CERS6: variants seen among roughly 807,000 people sequenced by gnomAD.
CERS6 encodes LAG1 homolog, ceramide synthase 6.
CERS6 carries 26 observed loss-of-function variants against 56.8 expected under a neutral mutation model. The ratio of observed to expected loss-of-function variants is 0.46; its 90% CI spans 0.34 to 0.63. CERS6 has a LOEUF of 0.63. Ranked by LOEUF, CERS6 falls within the 30% of genes least tolerant of loss-of-function variation. The pLI is 0.01. For missense variants in CERS6, 415 were observed against 467.5 expected (o/e 0.89, Z 1.04); for synonymous variants, 164 against 173.3 (o/e 0.95, Z 0.42).
chr2:168,738,650 A>AT (rs1466850448), intron 8 of CERS6, among the ~76,000 whole-genome samples: 1 of 152,150 alleles, frequency 6.6e-6, no homozygotes, highest in Non-Finnish European at 1.5e-5. Flanking sequence ...TGCATCACAG[A>AT]TTTTTTATAA....
intron 3 of CERS6, among the ~76,000 whole-genome samples, chr2:168,619,495 A>C (rs1684408823): frequency 6.6e-6 from 1 of 151,900 alleles, no homozygotes; most frequent in Non-Finnish European, 1.5e-5. Context: ...AAAAGAACTC[A>C]AACAAATCAG....
chr2:168,533,996 G>A (rs1026007723), intron 1 of CERS6, among the ~76,000 whole-genome samples: 4 of 151,710 alleles, frequency 2.6e-5, no homozygotes, highest in African/African-American at 7.3e-5. Flanking sequence ...GCTTTCTTCC[G>A]CTTGGTTGAT....
chr2:168,559,754 T>TATATATATATATATATATATATATATATC (rs56014027), intron 2 of CERS6, among the ~76,000 whole-genome samples: 2 of 123,908 alleles, frequency 1.6e-5, no homozygotes, highest in Non-Finnish European at 3.6e-5. Context: ...TATATATATA[T>TATATATATATATATATATATATATATATC]TTCACCCTTA....
intron 8 of CERS6, among the ~76,000 whole-genome samples, chr2:168,762,136 A>G (rs1684599655): frequency 6.6e-6 from 1 of 152,176 alleles, no homozygotes; most frequent in Admixed American, 6.5e-5. Flanking sequence ...ACAAACCTGC[A>G]CATTCTGCAT....
At chr2:168,627,631 G>GTTTTT in intron 3 of CERS6, among the ~76,000 whole-genome samples, 1 of 145,154 alleles carries the variant, frequency 6.9e-6, no homozygotes, top group Non-Finnish European at 1.5e-5. Flanking sequence ...GAACACTGAA[G>GTTTTT]TTTTTTTTTT....
chr2:168,628,379 T>TAG (rs1281580464), intron 3 of CERS6, among the ~76,000 whole-genome samples: 1 of 152,206 alleles, frequency 6.6e-6, no homozygotes, highest in Non-Finnish European at 1.5e-5. Flanking sequence ...CAGGTTGATG[T>TAG]CTATAGACTT....
chr2:168,582,073 T>C (rs1272471660), intron 3 of CERS6, among the ~76,000 whole-genome samples: 1 of 152,220 alleles, frequency 6.6e-6, no homozygotes, highest in Non-Finnish European at 1.5e-5. Context: ...GGTGTTATTT[T>C]CCTTTCCCTT....
At chr2:168,745,689 T>C (rs376529413) in intron 8 of CERS6, among the ~76,000 whole-genome samples, 10 of 152,330 alleles carry the variant, frequency 6.6e-5, no homozygotes, top group African/African-American at 2.4e-4. Flanking sequence ...TAACAACTAT[T>C]AAATCAAGTA....
intron 3 of CERS6, among the ~76,000 whole-genome samples, chr2:168,569,602 C>T (rs1037358103): frequency 2.0e-5 from 3 of 152,230 alleles, no homozygotes; most frequent in Non-Finnish European, 4.4e-5. Context: ...TCTGTGTTCA[C>T]CTAGTATTTC....
chr2:168,686,114 T>G (rs920033479), intron 4 of CERS6, among the ~76,000 whole-genome samples: 9 of 146,974 alleles, frequency 6.1e-5, no homozygotes, highest in African/African-American at 2.3e-4. Flanking sequence ...AAATTTCTCA[T>G]CGTTCTGGAG....
chr2:168,527,798 G>C (rs1259228707), intron 1 of CERS6, among the ~76,000 whole-genome samples: 1 of 152,050 alleles, frequency 6.6e-6, no homozygotes, highest in Non-Finnish European at 1.5e-5. Flanking sequence ...TCAGCTCACT[G>C]TACCCTCCAC....
chr2:168,592,702 A>C (rs1413596708), intron 3 of CERS6, among the ~76,000 whole-genome samples: 1 of 152,244 alleles, frequency 6.6e-6, no homozygotes, highest in African/African-American at 2.4e-5. Flanking sequence ...GATTTTCCTC[A>C]GCTGTTACGC....
chr2:168,529,606 A>G (rs1695130626), intron 1 of CERS6, among the ~76,000 whole-genome samples: 1 of 152,212 alleles, frequency 6.6e-6, no homozygotes, highest in Admixed American at 6.5e-5. Flanking sequence ...TCACCAACTC[A>G]ACAAAGTCAG....
At chr2:168,646,440 C>CAA (rs1685205914) in intron 4 of CERS6, among the ~76,000 whole-genome samples, 1 of 152,140 alleles carries the variant, frequency 6.6e-6, no homozygotes, top group Non-Finnish European at 1.5e-5. Flanking sequence ...GCATATTAGA[C>CAA]CTCTGTCAGA....
chr2:168,539,340 T>G (rs1446378666), intron 1 of CERS6, among the ~76,000 whole-genome samples: 1 of 152,242 alleles, frequency 6.6e-6, no homozygotes, highest in Non-Finnish European at 1.5e-5. Context: ...TTAACTACCT[T>G]TAAGACCTTG....
chr2:168,762,078 CG>C (rs1559084480), intron 8 of CERS6, among the ~76,000 whole-genome samples: 1 of 151,800 alleles, frequency 6.6e-6, no homozygotes, highest in African/African-American at 2.4e-5. Flanking sequence ...ACCTGGATGA[CG>C]GGTGAATGAG....
chr2:168,608,362 A>G (rs1010675686), intron 3 of CERS6, among the ~76,000 whole-genome samples: 5 of 152,206 alleles, frequency 3.3e-5, no homozygotes, highest in African/African-American at 1.2e-4. Flanking sequence ...ACATGTCTTC[A>G]TTTCTCTTGG....
At chr2:168,754,523 A>G (rs1262693282) in intron 8 of CERS6, among the ~76,000 whole-genome samples, 3 of 152,136 alleles carry the variant, frequency 2.0e-5, no homozygotes, top group Admixed American at 6.5e-5. Flanking sequence ...CCCAGAGTAC[A>G]CACACAATGC....
At chr2:168,536,310 A>G (rs1233393342) in intron 1 of CERS6, among the ~76,000 whole-genome samples, 1 of 152,256 alleles carries the variant, frequency 6.6e-6, no homozygotes, top group African/African-American at 2.4e-5. Context: ...TAGTCCCAGT[A>G]GCAAGAAATA....
Sources: allele counts gnomAD v4.1 joint callset (sites outside exome capture counted in the v4.1 genomes callset), GRCh38; gene constraint gnomAD v4.1.1; transcripts MANE v1.5; gene names NCBI Gene and HGNC (gene_info 2026-07-23, HGNC 2026-07-21).